The following SCHIP1 variants were observed in gnomAD, a reference collection of about 807,000 sequenced individuals.
The protein encoded by SCHIP1 is schwannomin-interacting protein 1.
In SCHIP1, 8 loss-of-function variants were observed where a neutral mutation model predicts 29.7. That is an observed-to-expected ratio of 0.27 (90% CI 0.16 to 0.49). The LOEUF (loss-of-function observed/expected upper bound fraction) is 0.49. SCHIP1 is among the 20% of genes least tolerant of loss of function. The pLI, the probability that SCHIP1 is intolerant of heterozygous loss-of-function variation, is 0.99. For missense variants in SCHIP1, 193 were observed against 294.6 expected, an observed-to-expected ratio of 0.66 and a Z score of 2.52; for synonymous variants, 76 against 94.9, an observed-to-expected ratio of 0.80 and a Z score of 1.16.
At chr3:159,287,441 A>G in the SCHIP1 span, among the ~76,000 whole-genome samples, 1 of 151,960 alleles carries the variant, frequency 6.6e-6, no homozygotes, top group Non-Finnish European at 1.5e-5. Flanking sequence ...TGATTCATTG[A>G]AATATTCCAT....
At chr3:159,787,014 G>A in the SCHIP1 span, among the ~76,000 whole-genome samples, 1 of 152,186 alleles carries the variant, frequency 6.6e-6, no homozygotes, top group East Asian at 1.9e-4. Flanking sequence ...GAGAAGACTT[G>A]TTGAGGGTTG....
chr3:159,438,152 A>G, the SCHIP1 span, among the ~76,000 whole-genome samples: 1 of 152,032 alleles, frequency 6.6e-6, no homozygotes, highest in Admixed American at 6.6e-5. Context: ...CTTTTGTTTG[A>G]CACAACCTTC....
At chr3:159,887,645 A>G (rs1214744684) in intron 3 of SCHIP1, 63 bp from the exon 5 acceptor site, 1 of 1,589,258 alleles carries the variant, frequency 6.3e-7, no homozygotes, top group African/African-American at 1.3e-5. Context: ...GTTGTAGCCC[A>G]TCTCTAAGTG....
intron 1 of SCHIP1, among the ~76,000 whole-genome samples, chr3:159,855,041 T>G (rs1247888207): frequency 6.6e-6 from 1 of 152,198 alleles, no homozygotes; most frequent in Non-Finnish European, 1.5e-5. Context: ...GGCAGTAGAA[T>G]GCCGCATATG....
chr3:159,628,957 A>G, the SCHIP1 span, among the ~76,000 whole-genome samples: 2 of 151,996 alleles, frequency 1.3e-5, no homozygotes, highest in African/African-American at 4.8e-5. Context: ...AATTGTCTCT[A>G]TAAAATACAC....
chr3:159,616,344 C>T, the SCHIP1 span, among the ~76,000 whole-genome samples: 9 of 152,170 alleles, frequency 5.9e-5, no homozygotes, highest in Non-Finnish European at 7.3e-5. Flanking sequence ...TCAAGTGATC[C>T]GCCTGCCTCG....
At chr3:159,843,001 CTTTTTTTTTTTTTTT>C (rs566940351) in intron 1 of SCHIP1, among the ~76,000 whole-genome samples, 5 of 63,736 alleles carry the variant, frequency 7.8e-5, no homozygotes, top group African/African-American at 1.4e-4. Flanking sequence ...ATATTTCTTT[CTTTTTTTTTTTTTTT>C]TTTTTTTTTT....
rs1296838362 is a variant in SCHIP1 at position 159,868,041 on chromosome 3, A to G, written c.149+1760A>G. On this transcript the variant is annotated intron_variant, in intron 2 of 6. Coordinates refer to ENST00000445224, the Ensembl canonical transcript of SCHIP1. ...ATCAATGATTTTTATATATATACACACACATATACCTATGTACATATACAT... is the reference window on the plus strand; with the variant it reads ...ATCAATGATTTTTATATATATACACGCACATATACCTATGTACATATACAT... Among the ~76,000 whole-genome samples, 47 of 134,904 alleles carry G rather than the reference A, an allele frequency of 3.5e-4. No individual in the cohort carries two copies. The Admixed American group carries it at 3.5e-3, about 10-fold the overall frequency. 88.5% of individuals were successfully genotyped at this position (134,904 alleles called of 152,430 possible). A position where few individuals can be genotyped will look rare whatever the true frequency, so the allele number is the denominator to read the frequency against.
the SCHIP1 span, among the ~76,000 whole-genome samples, chr3:159,420,373 C>T: frequency 6.6e-6 from 1 of 152,088 alleles, no homozygotes; most frequent in African/African-American, 2.4e-5. Flanking sequence ...GGGAAAATAC[C>T]TGAAGAGTAT....
At chr3:159,838,547 C>T (rs1282334288), upstream of SCHIP1, among the ~76,000 whole-genome samples, 1 of 151,998 alleles carries the variant, frequency 6.6e-6, no homozygotes, top group Non-Finnish European at 1.5e-5. Flanking sequence ...GGTTTAAATT[C>T]AGTCACATTT....
the SCHIP1 span, among the ~76,000 whole-genome samples, chr3:159,301,674 G>T: frequency 6.6e-6 from 1 of 152,084 alleles, no homozygotes; most frequent in Admixed American, 6.6e-5. Flanking sequence ...TAAAAGTGTG[G>T]CACTTCCCCT....
At chr3:159,319,850 G>A in the SCHIP1 span, among the ~76,000 whole-genome samples, 857 of 152,208 alleles carry the variant, frequency 5.6e-3, 3 homozygotes, top group Middle Eastern at 0.017. Context: ...AATATTTAGT[G>A]TTGGCCAATT....
chr3:159,805,809 T>TC, the SCHIP1 span, among the ~76,000 whole-genome samples: 1 of 128,150 alleles, frequency 7.8e-6, no homozygotes, highest in African/African-American at 3.0e-5. Flanking sequence ...ATTGTACTCC[T>TC]TTTTTTTTTT....
chr3:159,311,736 C>T, the SCHIP1 span, among the ~76,000 whole-genome samples: 3 of 152,044 alleles, frequency 2.0e-5, no homozygotes, highest in Non-Finnish European at 4.4e-5. Context: ...TTTTGACTAT[C>T]TAAAAAATAA....
chr3:159,868,988 G>GAA (rs1028589050), intron 2 of SCHIP1, among the ~76,000 whole-genome samples: 4 of 151,996 alleles, frequency 2.6e-5, no homozygotes, highest in Non-Finnish European at 5.9e-5. Context: ...TTTTTGTGAA[G>GAA]ATTGAATAGG....
At chr3:159,637,669 C>G in the SCHIP1 span, among the ~76,000 whole-genome samples, 1 of 152,266 alleles carries the variant, frequency 6.6e-6, no homozygotes, top group East Asian at 1.9e-4. Context: ...GGCCCAAAAT[C>G]TCCTTCTAGA....
At chr3:159,823,088 C>T in the SCHIP1 span, among the ~76,000 whole-genome samples, 1 of 151,496 alleles carries the variant, frequency 6.6e-6, no homozygotes, top group African/African-American at 2.4e-5. Flanking sequence ...TTGGACAGAG[C>T]CATATGGAAA....
chr3:159,503,973 T>C, the SCHIP1 span, among the ~76,000 whole-genome samples: 1 of 152,176 alleles, frequency 6.6e-6, no homozygotes, highest in African/African-American at 2.4e-5. Context: ...GAAAGGAAAT[T>C]AAGTTTGTGC....
the SCHIP1 span, among the ~76,000 whole-genome samples, chr3:159,621,206 G>A: frequency 6.6e-6 from 1 of 152,190 alleles, no homozygotes; most frequent in Non-Finnish European, 1.5e-5. Flanking sequence ...AAGCTGGGAA[G>A]AATAGTAAGT....
Sources: allele counts gnomAD v4.1 joint callset (sites outside exome capture counted in the v4.1 genomes callset), GRCh38; gene constraint gnomAD v4.1.1; transcripts MANE v1.5; gene names NCBI Gene and HGNC (gene_info 2026-07-23, HGNC 2026-07-21).